PLAC8L1: variants seen among roughly 807,000 people sequenced by gnomAD.
The protein encoded by PLAC8L1 is PLAC8 like 1.
In PLAC8L1, 13 loss-of-function variants were observed where a neutral mutation model predicts 16.3. That is an observed-to-expected ratio of 0.80 (90% CI 0.52 to 1.27). The LOEUF is 1.27. Ranked by LOEUF, PLAC8L1 falls within the 50% of genes most tolerant of loss-of-function variation. The pLI, the probability that PLAC8L1 is intolerant of heterozygous loss-of-function variation, is 0.00. For synonymous variants in PLAC8L1, 78 were observed against 79.3 expected (o/e 0.98, Z 0.09); for missense variants, 184 against 220.2 (o/e 0.84, Z 1.04).
intron 1 of PLAC8L1, among the ~76,000 whole-genome samples, chr5:146,101,132 G>T (rs1391743034): frequency 6.7e-6 from 1 of 150,102 alleles, no homozygotes; most frequent in African/African-American, 2.5e-5. Flanking sequence ...GGGAGGAAGA[G>T]GCTGCAATGA....
rs1469609690 is a variant in PLAC8L1 at position 146,105,221 on chromosome 5, T to A, written c.-910A>T. 2.6e-5 allele frequency among the ~76,000 whole-genome samples: 4 copies of A among 152,314 alleles called. No homozygotes were observed. In the South Asian group the frequency reaches 6.2e-4, roughly 24 times the overall value. ...GGAGGATACTGCCAATTATATCATA[T>A]ATTCTTTTCATCAGACCCATAGAGA... On this transcript the variant is annotated 5_prime_UTR_variant, in exon 1 of 4. Transcript: ENST00000311450.
chr5:146,087,669 G>A (rs912489975), intron 2 of PLAC8L1, among the ~76,000 whole-genome samples: 1 of 152,126 alleles, frequency 6.6e-6, no homozygotes, highest in Non-Finnish European at 1.5e-5. Context: ...TGAGACTACA[G>A]GCATGCACCA....
At chr5:146,088,218 T>A (rs532558277) in intron 2 of PLAC8L1, among the ~76,000 whole-genome samples, 2 of 152,362 alleles carry the variant, frequency 1.3e-5, no homozygotes, top group East Asian at 3.9e-4. Context: ...CATTTTGGCT[T>A]CCCAAAGTAC....
At chr5:146,100,226 T>C (rs905476431) in intron 1 of PLAC8L1, among the ~76,000 whole-genome samples, 43 of 152,078 alleles carry the variant, frequency 2.8e-4, no homozygotes, top group Non-Finnish European at 1.8e-4. Context: ...ACATATTTAG[T>C]CTCAATGTCA....
In PLAC8L1 at chr5:146,084,424, T is replaced by G. The variant is rs751622870; in HGVS notation, c.*8A>C. On this transcript the variant is annotated 3_prime_UTR_variant, in exon 4 of 4. Transcript: ENST00000311450. ...GTTGGGGAGTAAGGAGGAGGAGTTA[T>G]CTTGCTGTCAAACCAGGGTGTCCTT... is the stretch of plus-strand genomic sequence containing the variant. The G allele has an allele frequency of 2.2e-5, 36 of 1,613,492 alleles. No homozygotes were observed. Among genetic ancestry groups the G allele is most frequent in the Non-Finnish European group, 3.1e-5 (36 of 1,179,678 alleles).
intron 2 of PLAC8L1, among the ~76,000 whole-genome samples, chr5:146,088,728 T>C (rs1208446015): frequency 1.3e-5 from 2 of 152,150 alleles, no homozygotes; most frequent in African/African-American, 4.8e-5. Flanking sequence ...CAAATAAGAC[T>C]GGGATATTTC....
At chr5:146,096,103 T>G (rs1763714251) in intron 2 of PLAC8L1, among the ~76,000 whole-genome samples, 1 of 152,062 alleles carries the variant, frequency 6.6e-6, no homozygotes, top group Admixed American at 6.6e-5. Context: ...GTTGGTTCCT[T>G]TTGGGGGGTC....
rs759214041 is a variant in PLAC8L1, at chr5:146,098,134, T to C, written c.256+22A>G. 9.4e-6 allele frequency: 15 copies of C among 1,600,332 alleles called. No homozygotes were observed. The South Asian group carries it at 1.7e-4, about 18-fold the overall frequency. On this transcript the variant is annotated intron_variant, in intron 2 of 3. Coordinates refer to ENST00000311450, the MANE Select transcript of PLAC8L1 (RefSeq NM_001029869.3). ...GAAAAGAAAATAGTAAGGAGGAACT[T>C]AAATAAGGAGGAAAAACTTACAAAT...
At chr5:146,102,552 A>G (rs1232526251) in intron 1 of PLAC8L1, among the ~76,000 whole-genome samples, 1 of 152,158 alleles carries the variant, frequency 6.6e-6, no homozygotes, top group Non-Finnish European at 1.5e-5. Context: ...AGCTTCCTAG[A>G]CAGCTTTTCT....
At chr5:146,088,172 T>C (rs770747070) in intron 2 of PLAC8L1, among the ~76,000 whole-genome samples, 1 of 152,188 alleles carries the variant, frequency 6.6e-6, no homozygotes, top group Admixed American at 6.5e-5. Context: ...GGGGTCTCCG[T>C]ATGTTGCTTG....
chr5:146,085,061 A>G lies in PLAC8L1; in HGVS notation c.393+400T>C, dbSNP rs148437554. 1.3e-3 allele frequency among the ~76,000 whole-genome samples: 177 copies of G among 140,984 alleles called. 1 individual carries two copies. The highest frequency in any genetic ancestry group is 4.1e-3 in the African/African-American group (169 of 41,168). The allele number at this position is 140,984 out of a possible 152,430, so 92.5% of individuals were successfully genotyped here. On this transcript the variant is annotated intron_variant, in intron 3 of 3. Transcript: ENST00000311450. The stretch of plus-strand genomic sequence containing the variant: ...TCTATGTCTACATAAACATATACAT[A>G]TATAGTCTTTTAAAATAGTTCCATA...
At position 146,104,692 on chromosome 5, in the gene PLAC8L1, G is replaced by C. The variant is rs998901112; in HGVS notation, c.-381C>G. ...AAAATTTCTGCCATGCCATGTGACT[G>C]AGAAGCAGCAGAGACCTCTCTTCAT... On this transcript the variant is annotated 5_prime_UTR_variant, in exon 1 of 4. It introduces an in-frame stop codon into an upstream open reading frame of the 5' UTR. Transcript: ENST00000311450. The C allele has an allele frequency of 2.5e-5, 5 of 198,824 alleles. No homozygotes were observed. The highest frequency in any genetic ancestry group is 5.0e-5 in the Non-Finnish European group (5 of 99,138). 12.3% of individuals were successfully genotyped at this position (198,824 alleles called of 1,614,324 possible).
At chr5:146,092,699 G>A (rs571952692) in intron 2 of PLAC8L1, among the ~76,000 whole-genome samples, 2 of 151,920 alleles carry the variant, frequency 1.3e-5, no homozygotes, top group Admixed American at 6.6e-5. Context: ...CCGCCACCAC[G>A]CCTAATTTTT....
At chr5:146,088,988 T>C (rs1763566634) in intron 2 of PLAC8L1, among the ~76,000 whole-genome samples, 1 of 152,164 alleles carries the variant, frequency 6.6e-6, no homozygotes, top group African/African-American at 2.4e-5. Flanking sequence ...TAATCAAAAC[T>C]TGCTTAATTG....
At chr5:146,100,158 C>T (rs35801832) in intron 1 of PLAC8L1, among the ~76,000 whole-genome samples, 33,748 of 151,828 alleles carry the variant, frequency 0.22, 4,772 homozygotes, top group Admixed American at 0.33. Flanking sequence ...GCGATGTCAA[C>T]GCAAGAGAGA....
At chr5:146,101,434 A>G (rs1763815321) in intron 1 of PLAC8L1, among the ~76,000 whole-genome samples, 1 of 152,160 alleles carries the variant, frequency 6.6e-6, no homozygotes, top group Non-Finnish European at 1.5e-5. Context: ...ACCGAAACAG[A>G]TTAAGACATC....
Position 146,098,289 on chromosome 5 carries a change from G to A in PLAC8L1, c.123C>T (p.Gly41=). 6.2e-7 allele frequency: 1 copy of A among 1,613,466 alleles called. No individual in the cohort carries two copies. Among genetic ancestry groups the A allele is most frequent in the Admixed American group, 1.7e-5 (1 of 59,868 alleles). ...TCACCACAGCGCTGGCTGGTACATG[G>A]CCTCTGGAGAGTCAAGGATGATGAT... ...EDEHFISNLR[G]HVPASAVVKQ... is the part of the protein sequence containing the mutation. The change falls in exon 2 of 4, where the codon GGC becomes GGT. Residue 41 remains glycine, a synonymous_variant. Transcript: ENST00000311450.
chr5:146,092,535 ATTTTTT>A (rs35101919), intron 2 of PLAC8L1, among the ~76,000 whole-genome samples: 1 of 100,384 alleles, frequency 1.0e-5, no homozygotes, highest in Non-Finnish European at 1.9e-5. Context: ...ATCTTTGCAG[ATTTTTT>A]TTTTTTTTTT....
At chr5:146,097,977 A>G (rs1034622699) in intron 2 of PLAC8L1, among the ~76,000 whole-genome samples, 179 bp downstream of exon 2, 6 of 152,220 alleles carry the variant, frequency 3.9e-5, no homozygotes, top group African/African-American at 1.4e-4. Context: ...TAAAACATCC[A>G]TATCTCTGAA....
Sources: gnomAD v4.1 joint callset for allele counts (sites outside exome capture counted in the v4.1 genomes callset) on GRCh38, gnomAD v4.1.1 for gene constraint, MANE v1.5 for transcripts, NCBI Gene and HGNC (gene_info 2026-07-23, HGNC 2026-07-21) for gene names.